PNLDC1: variants seen among roughly 807,000 people sequenced by gnomAD.
PNLDC1 encodes the protein poly(A)-specific ribonuclease PNLDC1.
PNLDC1 carries 70 observed loss-of-function variants against 82.0 expected under a neutral mutation model. The ratio of observed to expected loss-of-function variants is 0.85; its 90% confidence interval spans 0.70 to 1.04. PNLDC1 has a LOEUF of 1.04. Ranked by LOEUF, PNLDC1 falls within the 50% of genes least tolerant of loss-of-function variation. The pLI is 0.00. For missense variants in PNLDC1, 631 were observed against 661.1 expected, an observed-to-expected ratio of 0.95 and a Z score of 0.50; for synonymous variants, 280 against 249.3, an observed-to-expected ratio of 1.12 and a Z score of -1.16.
chr6:159,813,684 G>A, intron 12 of PNLDC1, 28 bp downstream of exon 12: 1 of 1,608,796 alleles, frequency 6.2e-7, no homozygotes. Context: ...TGGAGCTACT[G>A]CTGGAGCGGC....
rs1012413479 is a variant in PNLDC1 at position 159,820,644 on chromosome 6, A to G, written c.*127A>G. 8 of 878,210 alleles carry G rather than the reference A, an allele frequency of 9.1e-6. No homozygotes were observed. Among genetic ancestry groups the G allele is most frequent in the African/African-American group, 6.6e-5 (4 of 60,820 alleles). The allele number at this position is 878,210 out of a possible 1,614,324, so 54.4% of individuals were successfully genotyped here. ...TTTGGTCTTTTCTAGAAATTCTGTT[A>G]TGTCCTGAACGTGAAATTCTGTCAA... On this transcript the variant is annotated 3_prime_UTR_variant, in exon 19 of 19. Coordinates refer to ENST00000392167, the MANE Select transcript of PNLDC1 (RefSeq NM_001271862.2).
At chr6:159,806,739 A>G (rs1401079465) in intron 7 of PNLDC1, among the ~76,000 whole-genome samples, 1 of 152,162 alleles carries the variant, frequency 6.6e-6, no homozygotes, top group East Asian at 1.9e-4. Context: ...TTAAATCTCA[A>G]TCTTTTGATT....
chr6:159,804,326 A>G (rs1268952640), intron 5 of PNLDC1, among the ~76,000 whole-genome samples: 2 of 151,722 alleles, frequency 1.3e-5, no homozygotes, highest in Non-Finnish European at 2.9e-5. Context: ...CTGGTCTTGA[A>G]CTCCTAGCCT....
chr6:159,809,054 C>A lies in PNLDC1; in HGVS notation c.679C>A (p.Leu227Ile). The A allele has an allele frequency of 6.2e-7, 1 of 1,614,010 alleles. No homozygotes were observed. The highest frequency in any genetic ancestry group is 8.5e-7 in the Non-Finnish European group (1 of 1,180,002). The change falls in exon 9 of 19, where the codon CTT becomes ATT. Residue 227 changes from leucine (L) to isoleucine (I), a missense_variant. Coordinates refer to ENST00000392167, the MANE Select transcript of PNLDC1 (RefSeq NM_001271862.2). Reference sequence around the variant, plus strand: ...AGTGAGTAAACAACATCGTTGGTATCTTCAGAACACCTCTTGTGACCGAGA... The same window carrying A: ...AGTGAGTAAACAACATCGTTGGTATATTCAGAACACCTCTTGTGACCGAGA... ...KKVSKQHRWY[L>I]QNTSCDRESC...
rs1781911411 is a variant in PNLDC1, at chr6:159,818,426, G to C, written c.1158-129G>C. 3 of 771,050 alleles carry C rather than the reference G, an allele frequency of 3.9e-6. No individual in the cohort carries two copies. The South Asian group carries it at 4.8e-5, about 12-fold the overall frequency. 47.8% of individuals were successfully genotyped at this position (771,050 alleles called of 1,614,324 possible). On this transcript the variant is annotated intron_variant, in intron 15 of 18. Transcript: ENST00000392167. ...ACCCAACCAGAGCCCCAAGACTTGTGAGGGCAGGAGGGAGGGAGAGCCGTC... is the reference window on the plus strand; with the variant it reads ...ACCCAACCAGAGCCCCAAGACTTGTCAGGGCAGGAGGGAGGGAGAGCCGTC...
At chr6:159,802,435 A>G (rs1045200016) in intron 3 of PNLDC1, among the ~76,000 whole-genome samples, 2 of 151,006 alleles carry the variant, frequency 1.3e-5, no homozygotes, top group Non-Finnish European at 2.9e-5. Flanking sequence ...ATGATGCTGA[A>G]CGTGTGTGTG....
chr6:159,802,299 C>T (rs1320745756), intron 3 of PNLDC1, among the ~76,000 whole-genome samples: 3 of 151,780 alleles, frequency 2.0e-5, no homozygotes, highest in Non-Finnish European at 4.4e-5. Flanking sequence ...TGCCCTCTCC[C>T]GCACCATTGG....
intron 14 of PNLDC1, 94 bp from the exon 15 acceptor site, chr6:159,817,015 A>G (rs1320666998): frequency 6.1e-6 from 8 of 1,310,260 alleles, no homozygotes; most frequent in South Asian, 2.4e-5. Flanking sequence ...TAGATTCTAC[A>G]TTTATTTCAG....
chr6:159,813,865 A>G (rs777744489), intron 12 of PNLDC1, among the ~76,000 whole-genome samples: 1 of 152,142 alleles, frequency 6.6e-6, no homozygotes, highest in Non-Finnish European at 1.5e-5. Context: ...CAGAGACAGG[A>G]AATCTCTCAA....
In PNLDC1 at chr6:159,801,198, A is replaced by G. The variant is rs749307122; in HGVS notation, c.208+12A>G. 1.3e-5 allele frequency: 21 copies of G among 1,609,856 alleles called. No individual in the cohort carries two copies. The highest frequency in any genetic ancestry group is 1.8e-5 in the Non-Finnish European group (21 of 1,176,144). Reference sequence around the variant, plus strand: ...AGTCTGTCAGATTGGTGAGTTTAATATCAGCTGTTAGAGTTTTTCAAGAAG... The same window carrying G: ...AGTCTGTCAGATTGGTGAGTTTAATGTCAGCTGTTAGAGTTTTTCAAGAAG... On this transcript the variant is annotated intron_variant, in intron 3 of 18. Transcript: ENST00000392167.
chr6:159,816,558 C>G lies in PNLDC1; in HGVS notation c.1076C>G (p.Pro359Arg), dbSNP rs560720508. Residue 359 changes from proline to arginine, a missense_variant, in exon 14 of 19, where the codon CCC becomes CGC. By Grantham distance (103) the Pro-to-Arg change is moderately radical. Coordinates refer to ENST00000392167, the MANE Select transcript of PNLDC1 (RefSeq NM_001271862.2). ...RCEKYVETKC[P>R]HEAAYDAFLC... ...AATGCCTCAGTTGAGACAAAGTGCC[C>G]CCACGAAGCCGCGTATGATGCCTTC... 6.2e-7 allele frequency: 1 copy of G among 1,613,866 alleles called. No individual in the cohort carries two copies. The highest frequency in any genetic ancestry group is 2.2e-5 in the East Asian group (1 of 44,848).
At chr6:159,812,170 G>C (rs1781668957) in intron 11 of PNLDC1, among the ~76,000 whole-genome samples, 1 of 152,270 alleles carries the variant, frequency 6.6e-6, no homozygotes, top group East Asian at 1.9e-4. Context: ...AAAGTGCTGG[G>C]ATTACAGGGG....
intron 7 of PNLDC1, among the ~76,000 whole-genome samples, chr6:159,806,739 AT>A (rs1176059469): frequency 8.5e-5 from 13 of 152,162 alleles, no homozygotes; most frequent in African/African-American, 3.1e-4. Flanking sequence ...TTAAATCTCA[AT>A]CTTTTGATTA....
In PNLDC1 at chr6:159,818,573, G is replaced by A. The variant is rs773559807; in HGVS notation, c.1176G>A (p.Glu392=). 2 of 1,613,670 alleles carry A rather than the reference G, an allele frequency of 1.2e-6. No individual in the cohort carries two copies. The highest frequency in any genetic ancestry group is 2.2e-5 in the South Asian group (2 of 91,088). The change falls in exon 16 of 19, where the codon GAG becomes GAA. Residue 392 remains glutamate (E), a synonymous_variant. Transcript: ENST00000392167. ...QKIYHIDPVP[E]SSFPQYLDVL... The stretch of plus-strand genomic sequence containing the variant: ...CTTGCAGCATCGACCCCGTGCCCGA[G>A]TCATCCTTTCCTCAGTACCTTGACG...
chr6:159,808,110 C>T (rs1781513788), intron 7 of PNLDC1, among the ~76,000 whole-genome samples: 1 of 152,096 alleles, frequency 6.6e-6, no homozygotes, highest in Non-Finnish European at 1.5e-5. Flanking sequence ...GTCAGGGTTT[C>T]ACCGTGTTGG....
intron 3 of PNLDC1, among the ~76,000 whole-genome samples, chr6:159,801,420 T>A (rs113496953): frequency 6.6e-5 from 10 of 152,202 alleles, no homozygotes; most frequent in African/African-American, 2.4e-4. Context: ...TCACTGTTAC[T>A]CTTTCAAGTA....
chr6:159,806,130 A>G (rs1781438931), intron 7 of PNLDC1, 47 bp downstream of exon 7: 1 of 1,429,944 alleles, frequency 7.0e-7, no homozygotes, highest in African/African-American at 1.4e-5. Context: ...GGGACAGGTC[A>G]CTGTCACCTG....
chr6:159,819,857 CAGG>C lies in PNLDC1; in HGVS notation c.1532+508_1532+510del, dbSNP rs920404381. Among the ~76,000 whole-genome samples, 62 of 152,008 alleles carry C rather than the reference CAGG, an allele frequency of 4.1e-4. No homozygotes were observed. The highest frequency in any genetic ancestry group is 1.5e-3 in the African/African-American group (62 of 41,384). On this transcript the variant is annotated intron_variant, in intron 18 of 18. Coordinates refer to ENST00000392167, the MANE Select transcript of PNLDC1 (RefSeq NM_001271862.2). The surrounding 1 kb of genome is among the most constrained non-coding windows in gnomAD (Gnocchi z 4.6). ...GAGCAAAACAGCAAGGAGGGGGATG[CAGG>C]AGAAGGAACCAGTGCCCCCCAGCTG... is the stretch of plus-strand genomic sequence containing the variant.
chr6:159,817,135 C>T lies in PNLDC1; in HGVS notation c.1141C>T (p.Leu381=), dbSNP rs759303414. ...TCTTTTGAAAGTGGCACACTTGCTT[C>T]TACAGAAGATATACCAGTAAGTGTT... is the stretch of plus-strand genomic sequence containing the variant. ...SVLLKVAHLL[L]QKIYHIDPVP... Residue 381 remains leucine (L), a synonymous_variant, in exon 15 of 19, where the codon CTA becomes TTA. Transcript: ENST00000392167. 5.6e-6 allele frequency: 9 copies of T among 1,612,494 alleles called. No homozygotes were observed. In the South Asian group the frequency reaches 9.9e-5, roughly 18 times the overall value.
Sources: gnomAD v4.1 joint callset for allele counts (sites outside exome capture counted in the v4.1 genomes callset) on GRCh38, gnomAD v4.1.1 for gene constraint, Gnocchi (gnomAD v3.1) non-coding constraint, MANE v1.5 for transcripts, NCBI Gene and HGNC (gene_info 2026-07-23, HGNC 2026-07-21) for gene names.